The following ITFG1 variants were observed in gnomAD, a reference collection of about 807,000 sequenced individuals.
The protein encoded by ITFG1 is integrin alpha FG-GAP repeat containing 1.
A neutral mutation model predicts 81.8 loss-of-function variants in ITFG1; 34 were observed. The observed-to-expected ratio is 0.42, with a 90% CI of 0.32 to 0.55. The LOEUF (loss-of-function observed/expected upper bound fraction) is 0.55. Ranked by LOEUF, ITFG1 falls within the 20% of genes least tolerant of loss-of-function variation. The pLI is 0.17. For synonymous variants in ITFG1, 285 were observed against 270.6 expected (o/e 1.05, Z -0.52); for missense variants, 672 against 755.4 (o/e 0.89, Z 1.29).
intron 14 of ITFG1, among the ~76,000 whole-genome samples, chr16:47,180,628 G>A (rs999241363): frequency 2.0e-5 from 3 of 151,928 alleles, no homozygotes; most frequent in Non-Finnish European, 2.9e-5. Flanking sequence ...TGAGTGATCC[G>A]CCAGCCTCGG....
intron 14 of ITFG1, among the ~76,000 whole-genome samples, chr16:47,210,581 A>C (rs1965550449): frequency 6.6e-6 from 1 of 152,216 alleles, no homozygotes; most frequent in African/African-American, 2.4e-5. Context: ...GTAAAGTCTA[A>C]GGACTCTTTG....
chr16:47,333,601 T>C (rs555119444), intron 8 of ITFG1, among the ~76,000 whole-genome samples: 5 of 152,208 alleles, frequency 3.3e-5, no homozygotes, highest in Non-Finnish European at 7.3e-5. Flanking sequence ...TTAACCATAA[T>C]ATAAAATGGC....
chr16:47,160,187 T>TA (rs34363166), intron 16 of ITFG1, among the ~76,000 whole-genome samples: 2,492 of 115,516 alleles, frequency 0.022, 29 homozygotes, highest in Middle Eastern at 0.041. Flanking sequence ...AGTGTTTTGG[T>TA]AAAAAAAAAA....
At chr16:47,162,754 G>C in intron 14 of ITFG1, 90 bp from the exon 15 acceptor site, 2 of 1,144,436 alleles carry the variant, frequency 1.7e-6, no homozygotes, top group Non-Finnish European at 2.5e-6. Flanking sequence ...TAAAAATTTA[G>C]GTACTGGAAT....
chr16:47,235,395 G>T (rs1283044229), intron 13 of ITFG1, among the ~76,000 whole-genome samples: 2 of 152,168 alleles, frequency 1.3e-5, no homozygotes, highest in Non-Finnish European at 2.9e-5. Context: ...TAACAGAGTG[G>T]GAGGGCTGGA....
chr16:47,351,600 T>C (rs986854722), intron 8 of ITFG1, among the ~76,000 whole-genome samples: 3 of 152,160 alleles, frequency 2.0e-5, no homozygotes, highest in Non-Finnish European at 2.9e-5. Context: ...TGCTCATGGA[T>C]AGGAAGAATC....
intron 4 of ITFG1, 122 bp from the exon 5 acceptor site, chr16:47,451,592 T>C: frequency 1.7e-6 from 1 of 600,872 alleles, no homozygotes; most frequent in Non-Finnish European, 2.9e-6. Flanking sequence ...CAGTATCTAG[T>C]GATAAGTATT....
chr16:47,370,413 C>T (rs1968237391), intron 7 of ITFG1, among the ~76,000 whole-genome samples: 1 of 152,206 alleles, frequency 6.6e-6, no homozygotes, highest in African/African-American at 2.4e-5. Context: ...CGTGGGGATT[C>T]CCTGCTTTTG....
At chr16:47,196,551 C>T (rs1162310219) in intron 14 of ITFG1, 3 of 152,208 alleles carry the variant, frequency 2.0e-5, no homozygotes, top group Middle Eastern at 3.2e-3. Context: ...TCCTGGGCCA[C>T]AGGAAACCTG....
chr16:47,231,197 T>C (rs1965813496), intron 13 of ITFG1, among the ~76,000 whole-genome samples: 1 of 152,226 alleles, frequency 6.6e-6, no homozygotes. Context: ...AGACTACTTT[T>C]AAACCGTCTG....
chr16:47,171,781 C>T (rs1964966275), intron 14 of ITFG1, among the ~76,000 whole-genome samples: 1 of 152,126 alleles, frequency 6.6e-6, no homozygotes, highest in Non-Finnish European at 1.5e-5. Context: ...TATGTCTTAT[C>T]TTCCTTAAGT....
intron 8 of ITFG1, among the ~76,000 whole-genome samples, chr16:47,323,535 T>C (rs1377295839): frequency 6.6e-6 from 1 of 152,152 alleles, no homozygotes; most frequent in Non-Finnish European, 1.5e-5. Context: ...CTGTAAGAAA[T>C]AAATTTCTTT....
intron 8 of ITFG1, among the ~76,000 whole-genome samples, chr16:47,359,020 C>T (rs1308422103): frequency 6.6e-6 from 1 of 151,964 alleles, no homozygotes; most frequent in Non-Finnish European, 1.5e-5. Context: ...GGTGATGTGG[C>T]AAAACCAGAA....
At chr16:47,281,030 G>T (rs189083752) in intron 10 of ITFG1, among the ~76,000 whole-genome samples, 7 of 152,138 alleles carry the variant, frequency 4.6e-5, no homozygotes, top group Non-Finnish European at 1.0e-4. Context: ...GCATTTTCCA[G>T]AGTTTGGTGA....
intron 14 of ITFG1, among the ~76,000 whole-genome samples, chr16:47,196,133 T>C (rs1965354613): frequency 6.6e-6 from 1 of 152,178 alleles, no homozygotes; most frequent in Non-Finnish European, 1.5e-5. Context: ...TATTTTTTCC[T>C]CTAGCTTATT....
chr16:47,319,827 G>A (rs182205313), intron 8 of ITFG1, among the ~76,000 whole-genome samples: 190 of 152,230 alleles, frequency 1.2e-3, no homozygotes, highest in Non-Finnish European at 5.4e-4. Context: ...ATGTGAAAAA[G>A]TCAAAAAATA....
At chr16:47,181,890 C>T (rs1965129332) in intron 14 of ITFG1, among the ~76,000 whole-genome samples, 1 of 152,032 alleles carries the variant, frequency 6.6e-6, no homozygotes, top group African/African-American at 2.4e-5. Context: ...TACCCCCAAC[C>T]CTGTGCTCTC....
rs374461621 is a variant in ITFG1, at chr16:47,372,437, C to T, written c.720+3439G>A. Among the ~76,000 whole-genome samples the T allele has an allele frequency of 8.2e-4, 124 of 151,012 alleles. 1 individual carries two copies. The highest frequency in any genetic ancestry group is 1.0e-3 in the Non-Finnish European group (68 of 67,726). ...CCTGCCCAAAATTAGTTACTTCTTT[C>T]GTCTTTTCTATTTCTCTCTTTTTTT... On this transcript the variant is annotated intron_variant, in intron 7 of 17. Transcript: ENST00000320640.
chr16:47,332,324 C>T (rs1967647620), intron 8 of ITFG1, among the ~76,000 whole-genome samples: 1 of 152,130 alleles, frequency 6.6e-6, no homozygotes, highest in Admixed American at 6.6e-5. Flanking sequence ...TGTTATCCAT[C>T]CTTTCAAGGG....
Sources: gnomAD v4.1 joint callset for allele counts (sites outside exome capture counted in the v4.1 genomes callset) on GRCh38, gnomAD v4.1.1 for gene constraint, MANE v1.5 for transcripts, NCBI Gene and HGNC (gene_info 2026-07-23, HGNC 2026-07-21) for gene names.